The following FRMD3 variants were observed in gnomAD, a reference collection of about 807,000 sequenced individuals.
The protein encoded by FRMD3 is FERM domain containing 3.
In FRMD3, 33 loss-of-function variants were observed where a neutral mutation model predicts 70.2. That is an observed-to-expected ratio of 0.47 (90% CI 0.36 to 0.63). The LOEUF (loss-of-function observed/expected upper bound fraction) is 0.63. FRMD3 is among the 20% of genes least tolerant of loss of function. FRMD3 has a pLI of 0.00. For missense variants in FRMD3, 632 were observed against 711.4 expected, an observed-to-expected ratio of 0.89 and a Z score of 1.27; for synonymous variants, 279 against 255.9, an observed-to-expected ratio of 1.09 and a Z score of -0.86.
At chr9:83,458,410 G>A (rs1827881745) in intron 1 of FRMD3, among the ~76,000 whole-genome samples, 1 of 152,196 alleles carries the variant, frequency 6.6e-6, no homozygotes, top group African/African-American at 2.4e-5. Flanking sequence ...CACATACCAT[G>A]ACTGAGAGGG....
chr9:83,321,048 C>T (rs573311219), intron 6 of FRMD3, among the ~76,000 whole-genome samples: 1 of 152,096 alleles, frequency 6.6e-6, no homozygotes, highest in East Asian at 1.9e-4. Context: ...TTTTTCACTT[C>T]TGATTGTGTT....
intron 10 of FRMD3, among the ~76,000 whole-genome samples, chr9:83,301,152 G>T (rs1039089222): frequency 1.3e-5 from 2 of 152,142 alleles, no homozygotes; most frequent in African/African-American, 4.8e-5. Context: ...CCTGGGGGGG[G>T]CCCTGCAGTG....
At chr9:83,302,541 A>G (rs1308214797) in intron 10 of FRMD3, among the ~76,000 whole-genome samples, 1 of 152,140 alleles carries the variant, frequency 6.6e-6, no homozygotes, top group Non-Finnish European at 1.5e-5. Flanking sequence ...ACAAGAGTAA[A>G]TGATTTGAAA....
At chr9:83,411,180 CCAG>C (rs1826268359) in intron 1 of FRMD3, among the ~76,000 whole-genome samples, 2 of 152,290 alleles carry the variant, frequency 1.3e-5, no homozygotes, top group African/African-American at 4.8e-5. Context: ...ATTTCCTGTC[CCAG>C]GCATTTCATA....
At chr9:83,384,255 TTCTTCAGGGCAGGGC>T (rs1250866614) in intron 2 of FRMD3, among the ~76,000 whole-genome samples, 5 of 152,188 alleles carry the variant, frequency 3.3e-5, no homozygotes, top group Non-Finnish European at 7.3e-5. Flanking sequence ...CACAACCCTT[TTCTTCAGGGCAGGGC>T]TGCCCTAAAT....
rs566539566 is a variant in FRMD3, at chr9:83,444,309, G to C, written c.148-54601C>G. Among the ~76,000 whole-genome samples the C allele has an allele frequency of 9.2e-5, 14 of 152,314 alleles. No homozygotes were observed. In the South Asian group the frequency reaches 2.7e-3, roughly 29 times the overall value. On this transcript the variant is annotated intron_variant, in intron 1 of 13. Transcript: ENST00000304195. ...CCTGACCCCGCCCTTTCCCAAAGTG[G>C]CCATTTTTACACATAAAACCAAGCT...
At chr9:83,350,172 GA>G (rs143570962) in intron 3 of FRMD3, among the ~76,000 whole-genome samples, 4 of 150,400 alleles carry the variant, frequency 2.7e-5, no homozygotes, top group African/African-American at 7.3e-5. Flanking sequence ...CTGTGAGGTG[GA>G]AAAAAAAATG....
At chr9:83,561,912 C>T in the FRMD3 span, among the ~76,000 whole-genome samples, 14 of 152,226 alleles carry the variant, frequency 9.2e-5, no homozygotes, top group African/African-American at 3.4e-4. Context: ...TAAGCTGCAC[C>T]ACAATTCACT....
At chr9:83,411,127 G>T (rs554082756) in intron 1 of FRMD3, among the ~76,000 whole-genome samples, 1 of 152,158 alleles carries the variant, frequency 6.6e-6, no homozygotes, top group African/African-American at 2.4e-5. Flanking sequence ...GAGACGTGGC[G>T]TATTAAACAG....
At chr9:83,545,766 G>C in the FRMD3 span, among the ~76,000 whole-genome samples, 1 of 152,138 alleles carries the variant, frequency 6.6e-6, no homozygotes, top group Non-Finnish European at 1.5e-5. Context: ...AAATTTAAAA[G>C]TTTGGAAAAC....
intron 1 of FRMD3, among the ~76,000 whole-genome samples, chr9:83,477,710 TC>T (rs1828433920): frequency 6.6e-6 from 1 of 152,158 alleles, no homozygotes; most frequent in African/African-American, 2.4e-5. Flanking sequence ...CTCCAGTGCT[TC>T]CAGACCTCCT....
At chr9:83,314,519 A>G (rs1189165757) in intron 6 of FRMD3, among the ~76,000 whole-genome samples, 1 of 152,190 alleles carries the variant, frequency 6.6e-6, no homozygotes, top group Non-Finnish European at 1.5e-5. Context: ...GTAAAATTAT[A>G]TTGCAATATT....
intron 1 of FRMD3, among the ~76,000 whole-genome samples, chr9:83,403,518 G>T (rs1826013062): frequency 6.6e-6 from 1 of 152,166 alleles, no homozygotes; most frequent in African/African-American, 2.4e-5. Context: ...GAGGCTGGGA[G>T]TATAACAGGC....
At chr9:83,379,987 A>G (rs1825307373) in intron 2 of FRMD3, among the ~76,000 whole-genome samples, 1 of 152,082 alleles carries the variant, frequency 6.6e-6, no homozygotes, top group Non-Finnish European at 1.5e-5. Flanking sequence ...CTCCCCTACA[A>G]GTCTTTTCCT....
chr9:83,467,736 T>C, intron 1 of FRMD3: 1 of 1,523,450 alleles, frequency 6.6e-7, no homozygotes, highest in Non-Finnish European at 8.8e-7. Context: ...CTGGGAGCTC[T>C]AGGGCTCCAA....
At chr9:83,533,257 G>A (rs1247474045) in intron 1 of FRMD3, among the ~76,000 whole-genome samples, 2 of 151,978 alleles carry the variant, frequency 1.3e-5, no homozygotes, top group East Asian at 1.9e-4. Context: ...TCCATATCTA[G>A]TAATACAATA....
intron 1 of FRMD3, among the ~76,000 whole-genome samples, chr9:83,428,700 T>C (rs76290392): frequency 0.042 from 6,414 of 152,260 alleles, 187 homozygotes; most frequent in East Asian, 0.16. Context: ...ATCATTCCGC[T>C]GCAGTTGGAG....
chr9:83,471,252 A>G (rs1405225791), intron 1 of FRMD3, among the ~76,000 whole-genome samples: 1 of 152,218 alleles, frequency 6.6e-6, no homozygotes, highest in Non-Finnish European at 1.5e-5. Context: ...TGAAAAGATG[A>G]AGCAGGAAAA....
At chr9:83,573,207 A>C in the FRMD3 span, among the ~76,000 whole-genome samples, 1 of 151,262 alleles carries the variant, frequency 6.6e-6, no homozygotes, top group Non-Finnish European at 1.5e-5. Context: ...TCTAGGCTCC[A>C]AGAGCACCAA....
Sources: allele counts gnomAD v4.1 joint callset (sites outside exome capture counted in the v4.1 genomes callset), GRCh38; gene constraint gnomAD v4.1.1; transcripts MANE v1.5; gene names NCBI Gene and HGNC (gene_info 2026-07-23, HGNC 2026-07-21).